Variants in CLEC4A observed in about 807,000 individuals in gnomAD.
The protein encoded by CLEC4A is C-type (calcium dependent, carbohydrate-recognition domain) lectin, superfamily member 6.
Under a neutral mutation model 32.7 loss-of-function variants are expected in CLEC4A, and 27 were observed. The ratio of observed to expected loss-of-function variants is 0.83; its 90% CI spans 0.61 to 1.14. The LOEUF (loss-of-function observed/expected upper bound fraction) is 1.14. Ranked by LOEUF, CLEC4A falls within the 50% of genes most tolerant of loss-of-function variation. The probability of loss-of-function intolerance (pLI) is 0.00; values close to 1 mark genes in which losing one functional copy is unlikely to be tolerated. For synonymous variants in CLEC4A, 89 were observed against 93.7 expected (o/e 0.95, Z 0.29); for missense variants, 253 against 274.6 (o/e 0.92, Z 0.55).
chr12:8,114,134 C>T, the CLEC4A span, among the ~76,000 whole-genome samples: 1 of 152,192 alleles, frequency 6.6e-6, no homozygotes, highest in African/African-American at 2.4e-5. Context: ...GATATGATAC[C>T]TACAAAAGAG....
At chr12:8,132,414 T>TAA (rs1447515142) in intron 3 of CLEC4A, among the ~76,000 whole-genome samples, 4 of 152,252 alleles carry the variant, frequency 2.6e-5, no homozygotes, top group Non-Finnish European at 5.9e-5. Flanking sequence ...GTGGATTATT[T>TAA]AAAAGTGTGT....
the CLEC4A span, among the ~76,000 whole-genome samples, chr12:8,110,927 G>A: frequency 1.3e-5 from 2 of 151,614 alleles, no homozygotes; most frequent in Non-Finnish European, 2.9e-5. Flanking sequence ...AGGCTGGAGT[G>A]CAGTGGTGTG....
the CLEC4A span, among the ~76,000 whole-genome samples, chr12:8,114,446 G>A: frequency 4.6e-5 from 7 of 151,864 alleles, no homozygotes; most frequent in African/African-American, 9.7e-5. Flanking sequence ...GGGTTTCACC[G>A]TGTTAGCCAG....
At chr12:8,106,216 C>T in the CLEC4A span, among the ~76,000 whole-genome samples, 1,297 of 152,204 alleles carry the variant, frequency 8.5e-3, 22 homozygotes, top group African/African-American at 0.03. Context: ...AGCTTTATTT[C>T]TGGACTCTCT....
intron 3 of CLEC4A, chr12:8,134,979 G>GTTTTTTTGTTTTTTTT (rs1591611840): frequency 6.7e-6 from 1 of 148,578 alleles, no homozygotes; most frequent in African/African-American, 7.6e-5. Flanking sequence ...AAGCGTTTTT[G>GTTTTTTTGTTTTTTTT]TTTTTTGTTT....
In CLEC4A at chr12:8,134,050, C is replaced by T. The variant is rs765873122; in HGVS notation, c.299-1535C>T. On this transcript the variant is annotated intron_variant, in intron 3 of 5. Transcript: ENST00000229332. ...ACACTCGGACCACATCCTTCTCCAG[C>T]CCAAGCTGCTGGGCGATGTGGCTGA... is the stretch of plus-strand genomic sequence containing the variant. The T allele has an allele frequency of 4.5e-5, 72 of 1,596,126 alleles. No individual in the cohort carries two copies. In the East Asian group the frequency reaches 1.6e-3, roughly 36 times the overall value.
In CLEC4A at chr12:8,129,377, G is replaced by T; in HGVS notation, c.298+15G>T. 1 of 1,516,036 alleles carries T rather than the reference G, an allele frequency of 6.6e-7. No homozygotes were observed. Among genetic ancestry groups the T allele is most frequent in the Non-Finnish European group, 9.1e-7 (1 of 1,093,718 alleles). The allele number at this position is 1,516,036 out of a possible 1,614,324, so 93.9% of individuals were successfully genotyped here. A position where few individuals can be genotyped will look rare whatever the true frequency, so the allele number is the denominator to read the frequency against. ...GCCCGTGGAAGGTAAAAATTAATGT[G>T]CCTAGAATTCAGTTGCTGAATGTAC... On this transcript the variant is annotated intron_variant, in intron 3 of 5. Transcript: ENST00000229332.
chr12:8,124,061 TTGAG>T (rs1947862298), intron 1 of CLEC4A, 101 bp downstream of exon 1: 2 of 786,128 alleles, frequency 2.5e-6, no homozygotes, highest in African/African-American at 1.7e-5. Flanking sequence ...GGTTGTCTGA[TTGAG>T]TATGTCTGGG....
At chr12:8,108,717 A>G in the CLEC4A span, among the ~76,000 whole-genome samples, 2 of 152,186 alleles carry the variant, frequency 1.3e-5, no homozygotes, top group East Asian at 1.9e-4. Flanking sequence ...TATATTTTCA[A>G]AAAAGCTCTG....
upstream of CLEC4A, among the ~76,000 whole-genome samples, chr12:8,122,248 G>A (rs76215623): frequency 1.8e-3 from 275 of 151,726 alleles, no homozygotes; most frequent in Non-Finnish European, 2.4e-3. Context: ...AGGATAGCCC[G>A]GTGAGGAAAT....
chr12:8,136,688 T>A lies in CLEC4A; in HGVS notation c.451-100T>A, dbSNP rs1591613229. ...CTACGTAGAGCTCTAATGCAGCTGTTGCTGGATCCTCTCCTTTTCTTCTTG... is the reference window on the plus strand; with the variant it reads ...CTACGTAGAGCTCTAATGCAGCTGTAGCTGGATCCTCTCCTTTTCTTCTTG... On this transcript the variant is annotated intron_variant, in intron 4 of 5. Coordinates refer to ENST00000229332, the MANE Select transcript of CLEC4A (RefSeq NM_016184.4). 8.7e-6 allele frequency: 6 copies of A among 687,366 alleles called. No individual in the cohort carries two copies. The East Asian group carries it at 1.6e-4, about 18-fold the overall frequency. 42.6% of individuals were successfully genotyped at this position (687,366 alleles called of 1,614,324 possible). A position where few individuals can be genotyped will look rare whatever the true frequency, so the allele number is the denominator to read the frequency against.
chr12:8,127,148 A>T (rs982383437), intron 2 of CLEC4A, among the ~76,000 whole-genome samples: 3 of 152,220 alleles, frequency 2.0e-5, no homozygotes, highest in African/African-American at 7.2e-5. Flanking sequence ...ACTCATGTAT[A>T]TGTGGTTGGG....
intron 1 of CLEC4A, 131 bp from the exon 2 acceptor site, chr12:8,125,430 C>T (rs1947884661): frequency 1.6e-6 from 1 of 607,306 alleles, no homozygotes; most frequent in South Asian, 2.1e-5. Context: ...TTCCTATTCT[C>T]ATGTGATTTC....
chr12:8,105,379 C>T, the CLEC4A span, among the ~76,000 whole-genome samples: 14 of 147,294 alleles, frequency 9.5e-5, no homozygotes, highest in Non-Finnish European at 6.0e-5. Flanking sequence ...GATGGAGTTT[C>T]GCTCTTGTCA....
chr12:8,103,946 T>C, the CLEC4A span, among the ~76,000 whole-genome samples: 1 of 152,202 alleles, frequency 6.6e-6, no homozygotes, highest in African/African-American at 2.4e-5. Flanking sequence ...ATAAAGACCA[T>C]GTATGTCTTC....
chr12:8,111,923 ATGTG>A, the CLEC4A span, among the ~76,000 whole-genome samples: 2,529 of 110,986 alleles, frequency 0.023, 79 homozygotes, highest in African/African-American at 0.072. Context: ...GAGTGTGTAT[ATGTG>A]TGTGTGTGTG....
intron 4 of CLEC4A, among the ~76,000 whole-genome samples, chr12:8,136,563 C>CATA (rs1491143814): frequency 2.0e-5 from 2 of 100,492 alleles, no homozygotes; most frequent in Non-Finnish European, 4.1e-5. Flanking sequence ...GACTCCATCT[C>CATA]AAAAAAAAAA....
chr12:8,103,501 T>C, the CLEC4A span, among the ~76,000 whole-genome samples: 2 of 146,926 alleles, frequency 1.4e-5, no homozygotes, highest in Non-Finnish European at 3.0e-5. Flanking sequence ...GGCTTCTGCC[T>C]CAGCCTCCCG....
chr12:8,134,449 C>T (rs763785905), intron 3 of CLEC4A: 3 of 1,613,790 alleles, frequency 1.9e-6, no homozygotes, highest in African/African-American at 1.3e-5. Flanking sequence ...TCCTGGGACT[C>T]CTCCGGGTTT....
Sources: gnomAD v4.1 joint callset for allele counts (sites outside exome capture counted in the v4.1 genomes callset) on GRCh38, gnomAD v4.1.1 for gene constraint, MANE v1.5 for transcripts, NCBI Gene and HGNC (gene_info 2026-07-23, HGNC 2026-07-21) for gene names.